The following CNTNAP4 variants were observed in gnomAD, a reference collection of about 807,000 sequenced individuals.
The protein encoded by CNTNAP4 is contactin associated protein family member 4.
Under a neutral mutation model 148.4 loss-of-function variants are expected in CNTNAP4, and 98 were observed. The observed-to-expected ratio is 0.66, with a 90% CI of 0.56 to 0.78. The LOEUF is 0.78. CNTNAP4 is among the 30% of genes least tolerant of loss of function. The pLI, the probability that CNTNAP4 is intolerant of heterozygous loss-of-function variation, is 0.00. For synonymous variants in CNTNAP4, 730 were observed against 565.1 expected, an observed-to-expected ratio of 1.29 and a Z score of -4.14; for missense variants, 1,935 against 1,565.6, an observed-to-expected ratio of 1.24 and a Z score of -3.98.
chr16:76,494,520 C>G (rs2082333083), intron 13 of CNTNAP4, among the ~76,000 whole-genome samples: 1 of 152,062 alleles, frequency 6.6e-6, no homozygotes, highest in Admixed American at 6.6e-5. Flanking sequence ...TTCATGATTT[C>G]AAATCAATTT....
At chr16:76,324,225 A>T (rs961241956) in intron 2 of CNTNAP4, among the ~76,000 whole-genome samples, 1 of 152,216 alleles carries the variant, frequency 6.6e-6, no homozygotes, top group Non-Finnish European at 1.5e-5. Flanking sequence ...AATGTGGCCC[A>T]ACTGAAATCG....
chr16:76,534,201 A>T (rs2084115204), intron 17 of CNTNAP4, among the ~76,000 whole-genome samples: 1 of 152,224 alleles, frequency 6.6e-6, no homozygotes, highest in African/African-American at 2.4e-5. Flanking sequence ...TTGTGGTTTA[A>T]CAAATGAATG....
At chr16:76,328,400 C>G (rs749545335) in intron 2 of CNTNAP4, among the ~76,000 whole-genome samples, 20 of 152,118 alleles carry the variant, frequency 1.3e-4, no homozygotes, top group Non-Finnish European at 1.6e-4. Context: ...TGTCAAAAAA[C>G]AAGGAAAGCC....
intron 1 of CNTNAP4, among the ~76,000 whole-genome samples, chr16:76,280,197 A>G (rs1309846403): frequency 2.6e-5 from 4 of 152,214 alleles, no homozygotes; most frequent in African/African-American, 9.6e-5. Flanking sequence ...CAAATCTGTC[A>G]TCTACAGAGT....
Position 76,496,507 on chromosome 16 carries a change from A to G in CNTNAP4, c.2237+1441A>G, listed in dbSNP as rs950176589. ...GGAAAAAAATGTTAGAAAAACAACT[A>G]CTTGAAATAAGCAGAAAGTAACCAA... On this transcript the variant is annotated intron_variant, in intron 14 of 23. Transcript: ENST00000611870. Among the ~76,000 whole-genome samples the G allele has an allele frequency of 2.0e-5, 3 of 152,168 alleles. No individual in the cohort carries two copies. In the South Asian group the frequency reaches 6.2e-4, roughly 31 times the overall value.
chr16:76,334,409 T>TG (rs1370781255), intron 2 of CNTNAP4, among the ~76,000 whole-genome samples: 1 of 152,114 alleles, frequency 6.6e-6, no homozygotes, highest in Admixed American at 6.5e-5. Flanking sequence ...ATCTTCGACT[T>TG]GCTGCTCACA....
At chr16:76,293,156 C>G (rs62049686) in intron 1 of CNTNAP4, among the ~76,000 whole-genome samples, 38,877 of 151,322 alleles carry the variant, frequency 0.26, 6,055 homozygotes, top group Non-Finnish European at 0.36. Flanking sequence ...TCCGGAGCCT[C>G]ACTCTGTTGC....
chr16:76,385,570 GTGTGTGTA>G (rs2016438650), intron 3 of CNTNAP4, among the ~76,000 whole-genome samples: 1 of 151,074 alleles, frequency 6.6e-6, no homozygotes, highest in African/African-American at 2.4e-5. Flanking sequence ...GTGTGTGTGT[GTGTGTGTA>G]GAGAGAGTGA....
intron 3 of CNTNAP4, among the ~76,000 whole-genome samples, chr16:76,421,544 C>A (rs1291554636): frequency 6.6e-6 from 1 of 151,988 alleles, no homozygotes; most frequent in African/African-American, 2.4e-5. Flanking sequence ...GTTCTTATTT[C>A]TGTTTGCTTT....
chr16:76,412,614 G>C (rs150999967), intron 3 of CNTNAP4, among the ~76,000 whole-genome samples: 1 of 151,430 alleles, frequency 6.6e-6, no homozygotes, highest in East Asian at 1.9e-4. Flanking sequence ...AATTGGCATT[G>C]TCCAATGTCT....
In CNTNAP4 at chr16:76,467,548, G is replaced by C. The variant is rs74608048; in HGVS notation, c.1655+25G>C. On this transcript the variant is annotated intron_variant, in intron 10 of 23. Coordinates refer to ENST00000611870, the MANE Select transcript of CNTNAP4 (RefSeq NM_033401.5). The stretch of plus-strand genomic sequence containing the variant: ...GGTAAGGGCAATCTCACTTCATTTT[G>C]ACCTGCTTTCAAACTTTGGCATCAG... 1,937 of 1,556,176 alleles carry C rather than the reference G, an allele frequency of 1.2e-3. 27 individuals are homozygous for C. The African/African-American group carries it at 0.024, about 19-fold the overall frequency.
intron 3 of CNTNAP4, among the ~76,000 whole-genome samples, chr16:76,404,385 C>G (rs2078528832): frequency 6.6e-6 from 1 of 151,418 alleles, no homozygotes; most frequent in South Asian, 2.1e-4. Flanking sequence ...AAATCCCAGT[C>G]TACTCTAGTT....
chr16:76,473,610 A>T (rs11864404), intron 10 of CNTNAP4, among the ~76,000 whole-genome samples: 2,898 of 151,958 alleles, frequency 0.019, 98 homozygotes, highest in African/African-American at 0.066. Context: ...CGTCTCTACT[A>T]AAAAATACAA....
chr16:76,436,509 T>C (rs1336308577), intron 4 of CNTNAP4, among the ~76,000 whole-genome samples: 3 of 152,126 alleles, frequency 2.0e-5, no homozygotes, highest in African/African-American at 4.8e-5. Context: ...GAGATAAGAC[T>C]CTGACTCGGG....
chr16:76,389,204 T>C (rs1286410576), intron 3 of CNTNAP4, among the ~76,000 whole-genome samples: 5 of 152,214 alleles, frequency 3.3e-5, no homozygotes, highest in Non-Finnish European at 7.3e-5. Context: ...GCTTTCTGTA[T>C]GTGTGCTCAG....
At chr16:76,401,584 A>C (rs910048039) in intron 3 of CNTNAP4, among the ~76,000 whole-genome samples, 2 of 152,130 alleles carry the variant, frequency 1.3e-5, no homozygotes, top group Non-Finnish European at 2.9e-5. Context: ...TACTATGTTG[A>C]ACGAGAGTGG....
chr16:76,434,263 T>A (rs758717650), intron 4 of CNTNAP4, among the ~76,000 whole-genome samples: 1 of 152,132 alleles, frequency 6.6e-6, no homozygotes, highest in Non-Finnish European at 1.5e-5. Context: ...AATAAGATTA[T>A]GACACAAAGC....
At chr16:76,434,668 T>C (rs1285604591) in intron 4 of CNTNAP4, among the ~76,000 whole-genome samples, 7 of 152,200 alleles carry the variant, frequency 4.6e-5, no homozygotes, top group African/African-American at 1.7e-4. Context: ...ATATTGTTTT[T>C]CATTTACTAT....
intron 2 of CNTNAP4, among the ~76,000 whole-genome samples, chr16:76,317,273 A>G (rs1170800676): frequency 1.9e-5 from 2 of 105,090 alleles, no homozygotes; most frequent in Non-Finnish European, 3.8e-5. Flanking sequence ...AACAAAAAAA[A>G]AAACCAAAAA....
Sources: allele counts gnomAD v4.1 joint callset (sites outside exome capture counted in the v4.1 genomes callset), GRCh38; gene constraint gnomAD v4.1.1; transcripts MANE v1.5; gene names NCBI Gene and HGNC (gene_info 2026-07-23, HGNC 2026-07-21).